The following COL21A1 variants were observed in gnomAD, a reference collection of about 807,000 sequenced individuals.
COL21A1 encodes the protein collagen alpha-1(XXI) chain.
A neutral mutation model predicts 137.9 loss-of-function variants in COL21A1; 149 were observed. That is an observed-to-expected ratio of 1.08 (90% CI 0.95 to 1.24). The LOEUF is 1.24. COL21A1 is among the 50% of genes most tolerant of loss of function. COL21A1 has a pLI of 0.00. For synonymous variants in COL21A1, 456 were observed against 391.5 expected (o/e 1.16, Z -1.95); for missense variants, 1,167 against 1,158.4 (o/e 1.01, Z -0.11).
chr6:56,371,359 A>G lies in COL21A1; in HGVS notation c.-39+22612T>C, dbSNP rs970327425. 2.6e-5 allele frequency among the ~76,000 whole-genome samples: 4 copies of G among 152,312 alleles called. No homozygotes were observed. The South Asian group carries it at 8.3e-4, about 32-fold the overall frequency. ...AGTTGTTTGGCTTCAGCTCATCTAA[A>G]TGACAAGGAATCACAGCCCAATCTG... On this transcript the variant is annotated intron_variant, in intron 1 of 28. Transcript: ENST00000370819.
intron 1 of COL21A1, among the ~76,000 whole-genome samples, chr6:56,381,320 G>A (rs1302082556): frequency 6.6e-6 from 1 of 152,118 alleles, no homozygotes; most frequent in Non-Finnish European, 1.5e-5. Context: ...TGAATGAGTG[G>A]AATAGACACC....
chr6:56,074,289 C>T lies in COL21A1; in HGVS notation c.1912-4G>A, dbSNP rs41271342. The stretch of plus-strand genomic sequence containing the variant: ...AGCCATTGCTTCCCATTAAACCCTA[C>T]AATTTTAAAAAGGAATTTCAAGAGT... On this transcript the variant is annotated splice_region_variant and splice_polypyrimidine_tract_variant and intron_variant, in intron 19 of 29. Coordinates refer to ENST00000244728, the MANE Select transcript of COL21A1 (RefSeq NM_030820.4). 3,074 of 1,570,442 alleles carry T rather than the reference C, an allele frequency of 2.0e-3. 5 individuals are homozygous for T. The highest frequency in any genetic ancestry group is 2.5e-3 in the Non-Finnish European group (2,876 of 1,158,658).
intron 2 of COL21A1, among the ~76,000 whole-genome samples, 172 bp downstream of exon 2, chr6:56,182,359 G>A (rs1335667424): frequency 6.6e-6 from 1 of 152,114 alleles, no homozygotes; most frequent in African/African-American, 2.4e-5. Flanking sequence ...TTATCTCTGA[G>A]GGAAGCTTTT....
chr6:56,252,729 G>C (rs1782882202), intron 1 of COL21A1, among the ~76,000 whole-genome samples: 1 of 152,056 alleles, frequency 6.6e-6, no homozygotes, highest in South Asian at 2.1e-4. Context: ...TAATTCTACT[G>C]CCCTACTAAA....
At chr6:56,299,336 T>C (rs939141323) in intron 1 of COL21A1, among the ~76,000 whole-genome samples, 5 of 152,190 alleles carry the variant, frequency 3.3e-5, no homozygotes, top group Admixed American at 1.3e-4. Context: ...AAATTGATTT[T>C]ACTTGTTCCC....
intron 16 of COL21A1, among the ~76,000 whole-genome samples, chr6:56,104,989 CTT>C: frequency 6.6e-6 from 1 of 152,164 alleles, no homozygotes; most frequent in East Asian, 1.9e-4. Context: ...TAAGGAAACA[CTT>C]TATTTTGACT....
intron 10 of COL21A1, among the ~76,000 whole-genome samples, chr6:56,153,004 C>T (rs1775440692): frequency 6.6e-6 from 1 of 152,030 alleles, no homozygotes; most frequent in Non-Finnish European, 1.5e-5. Context: ...CATAGGACCT[C>T]AGGGAAGTAT....
chr6:56,355,700 G>C (rs1208776771), intron 1 of COL21A1, among the ~76,000 whole-genome samples: 4 of 152,172 alleles, frequency 2.6e-5, no homozygotes, highest in Admixed American at 2.6e-4. Context: ...AATTTCTCCA[G>C]GGGCTTGGGA....
chr6:56,250,589 G>A (rs546223613), upstream of COL21A1, among the ~76,000 whole-genome samples: 8 of 152,136 alleles, frequency 5.3e-5, no homozygotes, highest in Non-Finnish European at 8.8e-5. Context: ...CTAGATGAGA[G>A]CCTCAGCCCT....
intron 17 of COL21A1, among the ~76,000 whole-genome samples, chr6:56,087,625 A>G (rs891541779): frequency 6.6e-6 from 1 of 152,194 alleles, no homozygotes; most frequent in Non-Finnish European, 1.5e-5. Context: ...TGGTGTTTAT[A>G]GTTTCCCTTC....
At chr6:56,367,818 G>C (rs1056205472) in intron 1 of COL21A1, among the ~76,000 whole-genome samples, 2 of 152,198 alleles carry the variant, frequency 1.3e-5, no homozygotes, top group Admixed American at 6.5e-5. Context: ...GAGCACAAGA[G>C]ATCCTCCCGC....
chr6:56,264,744 G>A (rs1298542907), intron 1 of COL21A1, among the ~76,000 whole-genome samples: 1 of 152,042 alleles, frequency 6.6e-6, no homozygotes, highest in Non-Finnish European at 1.5e-5. Flanking sequence ...CCATTCTCCT[G>A]TACACCCTAA....
chr6:56,100,620 T>A (rs936086809), intron 17 of COL21A1, among the ~76,000 whole-genome samples: 1 of 152,188 alleles, frequency 6.6e-6, no homozygotes, highest in Non-Finnish European at 1.5e-5. Flanking sequence ...TTTTTTTCAG[T>A]CTTCCAAATT....
intron 12 of COL21A1, among the ~76,000 whole-genome samples, chr6:56,137,682 A>G (rs370840012): frequency 1.3e-5 from 2 of 152,330 alleles, no homozygotes; most frequent in African/African-American, 4.8e-5. Flanking sequence ...CAAAATATAA[A>G]GCATTCTAAA....
chr6:56,074,039 C>G (rs572615976), intron 20 of COL21A1, among the ~76,000 whole-genome samples, 193 bp downstream of exon 20: 1 of 151,450 alleles, frequency 6.6e-6, no homozygotes, highest in East Asian at 2.0e-4. Context: ...TCCAACATAA[C>G]AGGATGAGCT....
At chr6:56,333,330 T>C (rs1765271902) in intron 1 of COL21A1, among the ~76,000 whole-genome samples, 1 of 138,526 alleles carries the variant, frequency 7.2e-6, no homozygotes, top group Non-Finnish European at 1.6e-5. Context: ...GCTAATATAC[T>C]TCCTGTCATC....
upstream of COL21A1, among the ~76,000 whole-genome samples, chr6:56,250,393 G>A (rs6931235): frequency 0.41 from 62,688 of 152,050 alleles, 14,945 homozygotes; most frequent in African/African-American, 0.65. Context: ...GGCTGGCCTC[G>A]GGGAAAGCTA....
At chr6:56,064,755 T>C in intron 23 of COL21A1, 133 bp from the exon 24 acceptor site, 3 of 515,110 alleles carry the variant, frequency 5.8e-6, no homozygotes, top group South Asian at 6.4e-5. Context: ...ATATAAATTA[T>C]GTGAGAGATG....
chr6:56,263,950 A>C (rs1763339723), intron 1 of COL21A1, among the ~76,000 whole-genome samples: 1 of 148,242 alleles, frequency 6.7e-6, no homozygotes, highest in Non-Finnish European at 1.5e-5. Flanking sequence ...CTTCATAAAG[A>C]GAACCACTCT....
Sources: allele counts gnomAD v4.1 joint callset (sites outside exome capture counted in the v4.1 genomes callset), GRCh38; gene constraint gnomAD v4.1.1; transcripts MANE v1.5; gene names NCBI Gene and HGNC (gene_info 2026-07-23, HGNC 2026-07-21).